ITPRIP: variants seen among roughly 807,000 people sequenced by gnomAD.
ITPRIP encodes inositol 1,4,5-trisphosphate receptor interacting protein, also known as inositol 1,4,5-trisphosphate receptor-interacting protein.
Under a neutral mutation model 35.8 loss-of-function variants are expected in ITPRIP, and 32 were observed. The observed-to-expected ratio is 0.89, with a 90% CI of 0.68 to 1.20. ITPRIP has a LOEUF of 1.20. Ranked by LOEUF, ITPRIP falls within the 50% of genes most tolerant of loss-of-function variation. The pLI, the probability that ITPRIP is intolerant of heterozygous loss-of-function variation, is 0.00. For synonymous variants in ITPRIP, 358 were observed against 324.0 expected (o/e 1.11, Z -1.13); for missense variants, 653 against 735.6 (o/e 0.89, Z 1.30).
At chr10:104,320,873 C>T (rs550733789) in intron 1 of ITPRIP, among the ~76,000 whole-genome samples, 1 of 152,130 alleles carries the variant, frequency 6.6e-6, no homozygotes, top group East Asian at 1.9e-4. Flanking sequence ...AAGCTGTAAC[C>T]CAACTGTCTG....
At chr10:104,327,985 C>T (rs1328264516) in intron 1 of ITPRIP, among the ~76,000 whole-genome samples, 1 of 152,190 alleles carries the variant, frequency 6.6e-6, no homozygotes, top group African/African-American at 2.4e-5. Context: ...TCCTGTTTGT[C>T]TTTGCATTCC....
rs1424320005 is a variant in ITPRIP at position 104,313,080 on chromosome 10, C to T, written c.*1328G>A. The T allele has an allele frequency of 2.0e-6, 2 of 985,414 alleles. No individual in the cohort carries two copies. Among genetic ancestry groups the T allele is most frequent in the South Asian group, 4.7e-5 (1 of 21,282 alleles). 61.0% of individuals were successfully genotyped at this position (985,414 alleles called of 1,614,324 possible). The stretch of plus-strand genomic sequence containing the variant: ...ATCTGTGTGGTCAGCAGTGCCCACA[C>T]AGAAGGGGTGGGTTCTGTGCAGTGA... On this transcript the variant is annotated 3_prime_UTR_variant, in exon 2 of 2. Transcript: ENST00000337478.
At chr10:104,316,572 A>C (rs1487666467) in intron 1 of ITPRIP, among the ~76,000 whole-genome samples, 1 of 152,068 alleles carries the variant, frequency 6.6e-6, no homozygotes, top group Non-Finnish European at 1.5e-5. Flanking sequence ...AGGGAACAGG[A>C]TTATACCTGC....
chr10:104,324,830 CT>C (rs1224747677), intron 1 of ITPRIP, among the ~76,000 whole-genome samples: 1 of 152,122 alleles, frequency 6.6e-6, no homozygotes, highest in East Asian at 1.9e-4. Flanking sequence ...ATGACAAGAT[CT>C]TTTTTTTCCC....
intron 1 of ITPRIP, among the ~76,000 whole-genome samples, chr10:104,320,449 C>T (rs1248229563): frequency 2.0e-5 from 3 of 152,146 alleles, no homozygotes; most frequent in Non-Finnish European, 1.5e-5. Context: ...CAGGAAGCCA[C>T]TCCTTGCCCT....
chr10:104,322,370 C>T (rs2013873137), intron 1 of ITPRIP, among the ~76,000 whole-genome samples: 1 of 152,220 alleles, frequency 6.6e-6, no homozygotes. Flanking sequence ...TGCCCAGGAC[C>T]CATTTCTTGG....
intron 1 of ITPRIP, among the ~76,000 whole-genome samples, chr10:104,323,784 C>T (rs1328576476): frequency 6.6e-6 from 1 of 152,358 alleles, no homozygotes; most frequent in South Asian, 2.1e-4. Flanking sequence ...TGCAGTGACA[C>T]CAGCTTCCCA....
rs199921635 is a variant in ITPRIP at position 104,314,686 on chromosome 10, C to A, written c.1366G>T (p.Ala456Ser). ...AAGCACAGCAACTCGTGCAGACGAGCGTCCAGCTGCCCCGCCTTCCAGTCG... is the reference window on the plus strand; with the variant it reads ...AAGCACAGCAACTCGTGCAGACGAGAGTCCAGCTGCCCCGCCTTCCAGTCG... ...AADWKAGQLD[A>S]RLHELLCFLE... The change falls in exon 2 of 2, where the codon GCT (alanine) becomes TCT (serine). Residue 456 changes from alanine to serine, a missense_variant. Transcript: ENST00000337478. 7 of 1,613,800 alleles carry A rather than the reference C, an allele frequency of 4.3e-6. No homozygotes were observed. The highest frequency in any genetic ancestry group is 1.6e-4 in the Middle Eastern group (1 of 6,062).
Position 104,313,656 on chromosome 10 carries a change from A to G in ITPRIP, c.*752T>C, listed in dbSNP as rs866619556. 2.0e-6 allele frequency: 2 copies of G among 985,378 alleles called. No individual in the cohort carries two copies. The highest frequency in any genetic ancestry group is 9.4e-5 in the South Asian group (2 of 21,284). The allele number at this position is 985,378 out of a possible 1,614,324, so 61.0% of individuals were successfully genotyped here. A position where few individuals can be genotyped will look rare whatever the true frequency, so the allele number is the denominator to read the frequency against. ...GTGGCAAATACCCACCACGCTCGGG[A>G]CCCAGTACGTTGGGGAAAGGACAGC... On this transcript the variant is annotated 3_prime_UTR_variant, in exon 2 of 2. Transcript: ENST00000337478.
rs200540714 is a variant in ITPRIP, at chr10:104,314,453, C to T, written c.1599G>A (p.Glu533=). ...MLKNAPALIS[E]YSLHVPSDQP... Reference sequence around the variant, plus strand: ...GGTCTGAGGGGACATGTAGGGAATACTCGCTAATGAGCGCTGGGGCATTCT... The same window carrying T: ...GGTCTGAGGGGACATGTAGGGAATATTCGCTAATGAGCGCTGGGGCATTCT... Residue 533 remains glutamate (E), a synonymous_variant, in exon 2 of 2, where the codon GAG becomes GAA. Coordinates refer to ENST00000337478, the MANE Select transcript of ITPRIP (RefSeq NM_001272013.2). 206 of 1,613,956 alleles carry T rather than the reference C, an allele frequency of 1.3e-4. No homozygotes were observed. In the Admixed American group the frequency reaches 3.4e-3, roughly 27 times the overall value.
intron 1 of ITPRIP, among the ~76,000 whole-genome samples, chr10:104,324,494 C>T (rs141198202): frequency 1.3e-5 from 2 of 152,276 alleles, no homozygotes; most frequent in East Asian, 3.9e-4. Context: ...CTGGGCTTGC[C>T]GCACTTCCTT....
chr10:104,337,879 T>C (rs1044913234), intron 1 of ITPRIP, among the ~76,000 whole-genome samples: 1 of 152,104 alleles, frequency 6.6e-6, no homozygotes, highest in Non-Finnish European at 1.5e-5. Context: ...TGCTCAGATG[T>C]GAGAAGTAAC....
At position 104,333,203 on chromosome 10, in the gene ITPRIP, C is replaced by T. The variant is rs527690158; in HGVS notation, c.-14+5043G>A. 2 of 152,462 alleles carry T rather than the reference C, an allele frequency of 1.3e-5. No individual in the cohort carries two copies. Among genetic ancestry groups the T allele is most frequent in the East Asian group, 3.9e-4 (2 of 5,188 alleles). The allele number at this position is 152,462 out of a possible 1,614,324, so 9.4% of individuals were successfully genotyped here. A position where few individuals can be genotyped will look rare whatever the true frequency, so the allele number is the denominator to read the frequency against. On this transcript the variant is annotated intron_variant, in intron 1 of 1. Transcript: ENST00000337478. This position sits in a 1 kb window ranked among gnomAD's most constrained non-coding sequence, Gnocchi z 4.1. ...CTGAAGGAGACTGCAGCTGTCAGCA[C>T]TGCGCTCTCTGACCCAAGGCCTAAA...
Position 104,315,879 on chromosome 10 carries a change from T to A in ITPRIP, c.173A>T (p.Glu58Val). The A allele has an allele frequency of 1.2e-6, 2 of 1,613,382 alleles. No individual in the cohort carries two copies. Among genetic ancestry groups the A allele is most frequent in the Non-Finnish European group, 1.7e-6 (2 of 1,179,652 alleles). Residue 58 changes from glutamate (E) to valine (V), a missense_variant, in exon 2 of 2, where the codon GAG (glutamate) becomes GTG (valine). Coordinates refer to ENST00000337478, the MANE Select transcript of ITPRIP (RefSeq NM_001272013.2). The surrounding 1 kb of genome is among the most constrained non-coding windows in gnomAD (Gnocchi z 5.7). ...CTTTTCGGCCGCCAGCCGAGCCACCTCCTCCTCCAGGCGCAACTGCTCCAG... is the reference window on the plus strand; with the variant it reads ...CTTTTCGGCCGCCAGCCGAGCCACCACCTCCTCCAGGCGCAACTGCTCCAG... The part of the protein sequence containing the change: ...LQLEQLRLEE[E>V]VARLAAEKEA...
rs276224 is a variant in ITPRIP, at chr10:104,326,019, C to T, written c.-13-9955G>A. Among the ~76,000 whole-genome samples the T allele has an allele frequency of 8.8e-3, 1,338 of 152,182 alleles. 17 individuals are homozygous for T. The highest frequency in any genetic ancestry group is 0.029 in the African/African-American group (1,192 of 41,494). The stretch of plus-strand genomic sequence containing the variant: ...CACCGAGCCGGTGGGGAAGTACACG[C>T]GGGGCAGAAGCTGCCTTTTTTTGCT... On this transcript the variant is annotated intron_variant, in intron 1 of 1. Transcript: ENST00000337478. The surrounding 1 kb of genome is among the most constrained non-coding windows in gnomAD (Gnocchi z 4.8).
At chr10:104,331,019 G>A (rs1212789385) in intron 1 of ITPRIP, among the ~76,000 whole-genome samples, 1 of 152,228 alleles carries the variant, frequency 6.6e-6, no homozygotes, top group Non-Finnish European at 1.5e-5. Flanking sequence ...TGGGCATGAA[G>A]CAGGGAGTAA....
intron 1 of ITPRIP, among the ~76,000 whole-genome samples, chr10:104,330,191 G>C (rs1347696357): frequency 6.6e-6 from 1 of 152,200 alleles, no homozygotes; most frequent in Non-Finnish European, 1.5e-5. Context: ...CTGAATACAT[G>C]AATGGAGTTA....
In ITPRIP at chr10:104,309,806, A is replaced by C. The variant is rs1023449977; in HGVS notation, c.*4602T>G. The C allele has an allele frequency of 6.6e-6, 1 of 152,226 alleles. No individual in the cohort carries two copies. Among genetic ancestry groups the C allele is most frequent in the African/African-American group, 2.4e-5 (1 of 41,452 alleles). The allele number at this position is 152,226 out of a possible 1,614,324, so 9.4% of individuals were successfully genotyped here. ...TTTGGAAGGATACACCAAAAACTTC[A>C]TATTGGTTATCTCTGGGGAGTGGAC... On this transcript the variant is annotated 3_prime_UTR_variant, in exon 2 of 2. Coordinates refer to ENST00000337478, the MANE Select transcript of ITPRIP (RefSeq NM_001272013.2).
intron 1 of ITPRIP, among the ~76,000 whole-genome samples, chr10:104,318,957 C>T (rs77253626): frequency 5.3e-5 from 8 of 152,358 alleles, no homozygotes; most frequent in African/African-American, 1.4e-4. Context: ...GGGTTCAGGG[C>T]GGAGTGCGCC....
Sources: gnomAD v4.1 joint callset for allele counts (sites outside exome capture counted in the v4.1 genomes callset) on GRCh38, gnomAD v4.1.1 for gene constraint, Gnocchi (gnomAD v3.1) non-coding constraint, MANE v1.5 for transcripts, NCBI Gene and HGNC (gene_info 2026-07-23, HGNC 2026-07-21) for gene names.